The following MEN1 variants were observed in gnomAD, a reference collection of about 807,000 sequenced individuals.
The protein encoded by MEN1 is menin 1.
Under a neutral mutation model 58.0 loss-of-function variants are expected in MEN1, and 6 were observed. That is an observed-to-expected ratio of 0.10 (90% CI 0.06 to 0.20). MEN1 has a LOEUF of 0.20. Ranked by LOEUF, MEN1 falls within the 10% of genes least tolerant of loss-of-function variation. The pLI is 1.00. For synonymous variants in MEN1, 346 were observed against 350.7 expected, an observed-to-expected ratio of 0.99 and a Z score of 0.15; for missense variants, 492 against 818.5, an observed-to-expected ratio of 0.60 and a Z score of 4.87.
chr11:64,805,182 C>A lies in MEN1; in HGVS notation c.1202G>T (p.Gly401Val), dbSNP rs878855186. Residue 401 changes from glycine (G) to valine (V), a missense_variant, in exon 9 of 10, where the codon GGT becomes GTT. Physicochemically the swap from Gly to Val is moderately radical, Grantham distance 109. Around this residue, in one of 5 missense-constraint regions of MEN1, gnomAD observed 335 missense variants for 550.3 expected, o/e 0.61. Coordinates refer to ENST00000450708, the MANE Select transcript of MEN1 (RefSeq NM_001370259.2). ...GCACTCAGGGTCCTGGAGGGCGGAA[C>A]CTTGGCTCTGGGTGCCCTGGACGAG... ...GEQSQGTQSQ[G>V]SALQDPECFA... 3.1e-6 allele frequency: 5 copies of A among 1,613,772 alleles called. No individual in the cohort carries two copies. The highest frequency in any genetic ancestry group is 4.2e-6 in the Non-Finnish European group (5 of 1,180,010).
In MEN1 at chr11:64,808,034, G is replaced by A. The variant is rs143329068; in HGVS notation, c.511C>T (p.Arg171Trp). The change falls in exon 3 of 10, where the codon CGG becomes TGG. Residue 171 changes from arginine (R) to tryptophan (W), a missense_variant. Arg to Trp is a moderately radical substitution (Grantham distance 101). This residue lies in a region of MEN1 where 335 missense variants were observed against 550.3 expected (regional missense o/e 0.61). Coordinates refer to ENST00000450708, the MANE Select transcript of MEN1 (RefSeq NM_001370259.2). Reference protein sequence around the residue: ...VVGACQALGLRDVHLALSEDH... With the variant: ...VVGACQALGLWDVHLALSEDH... Reference sequence around the variant, plus strand: ...TCAGACAGGGCGAGGTGGACATCCCGGAGACCCAGGGCCTGGCAGGCCCCA... The same window carrying A: ...TCAGACAGGGCGAGGTGGACATCCCAGAGACCCAGGGCCTGGCAGGCCCCA... 5.3e-5 allele frequency: 86 copies of A among 1,613,960 alleles called. No homozygotes were observed. The highest frequency in any genetic ancestry group is 1.2e-4 in the African/African-American group (9 of 74,902).
rs1941453061 is a variant in MEN1, at chr11:64,803,976, G to A, written c.*358C>T. ...AAGGGTGAAACCTCAGCTCCTACAAGCTGGGAGGAGCCCTGAGTAACGTTG... is the reference window on the plus strand; with the variant it reads ...AAGGGTGAAACCTCAGCTCCTACAAACTGGGAGGAGCCCTGAGTAACGTTG... On this transcript the variant is annotated 3_prime_UTR_variant, in exon 10 of 10. Transcript: ENST00000450708. 2 of 414,542 alleles carry A rather than the reference G, an allele frequency of 4.8e-6. No homozygotes were observed. Among genetic ancestry groups the A allele is most frequent in the Non-Finnish European group, 8.9e-6 (2 of 223,638 alleles). The allele number at this position is 414,542 out of a possible 1,614,324, so 25.7% of individuals were successfully genotyped here.
chr11:64,805,228 C>A (rs1044410449), intron 8 of MEN1, 30 bp from the exon 9 acceptor site: 1 of 1,609,676 alleles, frequency 6.2e-7, no homozygotes. Context: ...GGGCACAGAT[C>A]AGTCTCTTAC....
At chr11:64,806,500 A>C (rs1592644600) in intron 6 of MEN1, 132 bp from the exon 7 acceptor site, 4 of 1,051,302 alleles carry the variant, frequency 3.8e-6, no homozygotes, top group Non-Finnish European at 5.9e-6. Flanking sequence ...CTCCACTCCC[A>C]CCTCCACTCG....
At position 64,804,129 on chromosome 11, in the gene MEN1, ATAT is replaced by A. The variant is rs1449350739; in HGVS notation, c.*202_*204del. On this transcript the variant is annotated 3_prime_UTR_variant, in exon 10 of 10. Coordinates refer to ENST00000450708, the MANE Select transcript of MEN1 (RefSeq NM_001370259.2). The surrounding 1 kb of genome is among the most constrained non-coding windows in gnomAD (Gnocchi z 4.2). ...GCTGGGATTCTGGGAGAAGAGACCT[ATAT>A]TCTAACGACTGGGGCAGAGCCCTGG... The A allele has an allele frequency of 1.7e-5, 11 of 632,714 alleles. No homozygotes were observed. The Admixed American group carries it at 3.1e-4, about 18-fold the overall frequency. 39.2% of individuals were successfully genotyped at this position (632,714 alleles called of 1,614,324 possible). A position where few individuals can be genotyped will look rare whatever the true frequency, so the allele number is the denominator to read the frequency against.
At chr11:64,810,735 G>A (rs1942070885), upstream of MEN1, 1 of 152,554 alleles carries the variant, frequency 6.6e-6, no homozygotes, top group Admixed American at 6.5e-5. Flanking sequence ...GAGATACTCA[G>A]GGATTGGCCC....
rs1555164452 is a variant in MEN1, at chr11:64,805,205, GA to G, written c.1186-8del. 2 of 1,612,906 alleles carry G rather than the reference GA, an allele frequency of 1.2e-6. No individual in the cohort carries two copies. The highest frequency in any genetic ancestry group is 1.7e-6 in the Non-Finnish European group (2 of 1,179,872). ...AACCTTGGCTCTGGGTGCCCTGGAC[GA>G]GGGGGAAGGGAGGGCACAGATCAGT... On this transcript the variant is annotated splice_region_variant and splice_polypyrimidine_tract_variant and intron_variant, in intron 8 of 9. Transcript: ENST00000450708.
rs886048474 is a variant in MEN1 at position 64,803,896 on chromosome 11, G to A, written c.*438C>T. ...CTGAAGTGCGGAAATATACTCCTAGGGGCTGAGTGGTCCTAGGCTCCCGGG... is the reference window on the plus strand; with the variant it reads ...CTGAAGTGCGGAAATATACTCCTAGAGGCTGAGTGGTCCTAGGCTCCCGGG... On this transcript the variant is annotated 3_prime_UTR_variant, in exon 10 of 10. Transcript: ENST00000450708. The A allele has an allele frequency of 8.1e-5, 24 of 296,978 alleles. No homozygotes were observed. The highest frequency in any genetic ancestry group is 3.7e-4 in the Admixed American group (8 of 21,704). The allele number at this position is 296,978 out of a possible 1,614,324, so 18.4% of individuals were successfully genotyped here.
chr11:64,807,317 AC>A lies in MEN1; in HGVS notation c.784-99del, dbSNP rs1941802981. ...GTGGGGGTCAGAACCAACAGGGACCACCCACCATGTGGAAGGGCCAAAATTC... is the reference window on the plus strand; with the variant it reads ...GTGGGGGTCAGAACCAACAGGGACCACCACCATGTGGAAGGGCCAAAATTC... On this transcript the variant is annotated intron_variant, in intron 4 of 9. Coordinates refer to ENST00000450708, the MANE Select transcript of MEN1 (RefSeq NM_001370259.2). The surrounding 1 kb of genome is among the most constrained non-coding windows in gnomAD (Gnocchi z 4.9). The A allele has an allele frequency of 7.0e-7, 1 of 1,418,460 alleles. No individual in the cohort carries two copies. The highest frequency in any genetic ancestry group is 2.4e-5 in the East Asian group (1 of 42,376). 87.9% of individuals were successfully genotyped at this position (1,418,460 alleles called of 1,614,324 possible). A position where few individuals can be genotyped will look rare whatever the true frequency, so the allele number is the denominator to read the frequency against.
In MEN1 at chr11:64,810,496, T is replaced by C. The variant is rs953757251; in HGVS notation, c.-24+18A>G. 1 of 211,064 alleles carries C rather than the reference T, an allele frequency of 4.7e-6. No homozygotes were observed. Among genetic ancestry groups the C allele is most frequent in the African/African-American group, 2.3e-5 (1 of 42,970 alleles). 13.1% of individuals were successfully genotyped at this position (211,064 alleles called of 1,614,324 possible). A position where few individuals can be genotyped will look rare whatever the true frequency, so the allele number is the denominator to read the frequency against. On this transcript the variant is annotated intron_variant, in intron 1 of 9. Coordinates refer to ENST00000450708, the MANE Select transcript of MEN1 (RefSeq NM_001370259.2). ...CCAAACCCCAAGGAGAGTCCTGGCC[T>C]CGGTCCCCCTCGCCCACCTCCGCGC...
intron 1 of MEN1, 28 bp from the exon 2 acceptor site, chr11:64,810,160 T>A: frequency 2.2e-5 from 10 of 450,308 alleles, no homozygotes; most frequent in East Asian, 4.3e-5. Flanking sequence ...GGAGGGAGGG[T>A]CGGGCAGGTT....
rs1252317486 is a variant in MEN1, at chr11:64,809,996, G to C, written c.114C>G (p.Ser38=). 1.2e-6 allele frequency: 2 copies of C among 1,601,758 alleles called. No homozygotes were observed. Among genetic ancestry groups the C allele is most frequent in the African/African-American group, 2.7e-5 (2 of 74,636 alleles). ...AATGCTCCACGAAGCCCAGCACCAA[G>C]GAAAGGAGCACCAGGTCCGGCTCCT... ...GREEPDLVLL[S]LVLGFVEHFL... is the part of the protein sequence containing the mutation. The change falls in exon 2 of 10, where the codon TCC becomes TCG. Residue 38 remains serine (S), a synonymous_variant. Transcript: ENST00000450708.
rs1241297906 is a variant in MEN1, at chr11:64,807,406, C to G, written c.783+146G>C. ...ATCTCAATTCTACTCTCCCAAGAGCCCTGGGAAAGGCCAGGCCAGGAATTA... is the reference window on the plus strand; with the variant it reads ...ATCTCAATTCTACTCTCCCAAGAGCGCTGGGAAAGGCCAGGCCAGGAATTA... On this transcript the variant is annotated intron_variant, in intron 4 of 9. Transcript: ENST00000450708. The surrounding 1 kb of genome is among the most constrained non-coding windows in gnomAD (Gnocchi z 4.9). The G allele has an allele frequency of 1.9e-6, 2 of 1,069,678 alleles. No homozygotes were observed. The highest frequency in any genetic ancestry group is 2.8e-6 in the Non-Finnish European group (2 of 717,998). The allele number at this position is 1,069,678 out of a possible 1,614,324, so 66.3% of individuals were successfully genotyped here.
chr11:64,804,314 G>A lies in MEN1; in HGVS notation c.*20C>T, dbSNP rs746452984. ...GGGCGGAGCCTGGGTCCCCACAAGC[G>A]GTCCGAAGTCCCCAGTAGTTCAGAG... is the stretch of plus-strand genomic sequence containing the variant. On this transcript the variant is annotated 3_prime_UTR_variant, in exon 10 of 10. Transcript: ENST00000450708. The surrounding 1 kb of genome is among the most constrained non-coding windows in gnomAD (Gnocchi z 4.2). The A allele has an allele frequency of 6.2e-7, 1 of 1,614,100 alleles. No homozygotes were observed. The highest frequency in any genetic ancestry group is 2.2e-5 in the East Asian group (1 of 44,884).
intron 7 of MEN1, chr11:64,805,987 G>C: frequency 1.5e-6 from 1 of 650,638 alleles, no homozygotes; most frequent in Non-Finnish European, 2.7e-6. Context: ...GATGATGGTG[G>C]TTAAACATTG....
intron 2 of MEN1, among the ~76,000 whole-genome samples, chr11:64,808,954 GA>G (rs11335918): frequency 0.8 from 104,673 of 130,156 alleles, 45,985 homozygotes; most frequent in Non-Finnish European, 0.99. Context: ...GACGCCGTCT[GA>G]AAAAAAAAAA....
Position 64,807,818 on chromosome 11 carries a change from GA to G in MEN1, c.654+72del. 1 of 1,607,464 alleles carries G rather than the reference GA, an allele frequency of 6.2e-7. No individual in the cohort carries two copies. Among genetic ancestry groups the G allele is most frequent in the Non-Finnish European group, 8.5e-7 (1 of 1,174,606 alleles). On this transcript the variant is annotated intron_variant, in intron 3 of 9. Coordinates refer to ENST00000450708, the MANE Select transcript of MEN1 (RefSeq NM_001370259.2). The surrounding 1 kb of genome is among the most constrained non-coding windows in gnomAD (Gnocchi z 4.9). ...ATGGGAAGAAAGGGGTGTGGCCCAA[GA>G]AAATGGAGTCCCTTGGGTGGCTTGG...
chr11:64,808,954 G>A (rs1377471127), intron 2 of MEN1, among the ~76,000 whole-genome samples: 1 of 129,864 alleles, frequency 7.7e-6, no homozygotes, highest in African/African-American at 3.0e-5. Flanking sequence ...GACGCCGTCT[G>A]AAAAAAAAAA....
intron 2 of MEN1, among the ~76,000 whole-genome samples, chr11:64,808,954 GAAA>G (rs11335918): frequency 7.7e-6 from 1 of 129,888 alleles, no homozygotes. Context: ...GACGCCGTCT[GAAA>G]AAAAAAAAAA....
Sources: gnomAD v4.1 joint callset for allele counts (sites outside exome capture counted in the v4.1 genomes callset) on GRCh38, gnomAD v4.1.1 for gene constraint, gnomAD v4.1.1 regional missense constraint, Gnocchi (gnomAD v3.1) non-coding constraint, MANE v1.5 for transcripts, NCBI Gene and HGNC (gene_info 2026-07-23, HGNC 2026-07-21) for gene names.